ZMYND11: variants seen among roughly 807,000 people sequenced by gnomAD.
ZMYND11 encodes the protein zinc finger MYND domain-containing protein 11.
ZMYND11 carries 9 observed loss-of-function variants against 84.9 expected under a neutral mutation model. The observed-to-expected ratio is 0.11, with a 90% CI of 0.06 to 0.18. ZMYND11 has a LOEUF of 0.18. Ranked by LOEUF, ZMYND11 falls within the 10% of genes least tolerant of loss-of-function variation. The pLI, the probability that ZMYND11 is intolerant of heterozygous loss-of-function variation, is 1.00. For synonymous variants in ZMYND11, 250 were observed against 244.1 expected (o/e 1.02, Z -0.23); for missense variants, 409 against 761.0 (o/e 0.54, Z 5.44).
At chr10:167,163 T>C (rs1444244289) in intron 1 of ZMYND11, among the ~76,000 whole-genome samples, 1 of 152,124 alleles carries the variant, frequency 6.6e-6, no homozygotes, top group Non-Finnish European at 1.5e-5. Flanking sequence ...GAAATGGTGA[T>C]GGTTGCAAAA....
At chr10:203,328 A>G (rs1234622838) in intron 2 of ZMYND11, among the ~76,000 whole-genome samples, 1 of 152,170 alleles carries the variant, frequency 6.6e-6, no homozygotes, top group Non-Finnish European at 1.5e-5. Context: ...AGGAAATACT[A>G]TATAAAATAA....
intron 2 of ZMYND11, among the ~76,000 whole-genome samples, chr10:199,986 T>C (rs1014762778): frequency 1.3e-5 from 2 of 151,958 alleles, no homozygotes; most frequent in Admixed American, 1.3e-4. Context: ...CACCTCAGCC[T>C]CCTGAGTAGT....
At chr10:131,310 A>C (rs185784686), upstream of ZMYND11, among the ~76,000 whole-genome samples, 29 of 152,314 alleles carry the variant, frequency 1.9e-4, no homozygotes, top group Admixed American at 6.5e-4. Flanking sequence ...ACTTCTAACA[A>C]ATACTGTACA....
At chr10:227,833 C>G (rs1028985979) in intron 4 of ZMYND11, among the ~76,000 whole-genome samples, 1 of 152,076 alleles carries the variant, frequency 6.6e-6, no homozygotes, top group Admixed American at 6.5e-5. Flanking sequence ...AATGTAAGTA[C>G]TTTTACACTT....
chr10:228,209 C>T (rs1227572927), intron 4 of ZMYND11, among the ~76,000 whole-genome samples: 3 of 152,082 alleles, frequency 2.0e-5, no homozygotes, highest in Admixed American at 2.0e-4. Flanking sequence ...AGAAAAAAAG[C>T]TCATATAATT....
At chr10:169,194 C>T (rs1214895279) in intron 1 of ZMYND11, among the ~76,000 whole-genome samples, 1 of 152,080 alleles carries the variant, frequency 6.6e-6, no homozygotes, top group Non-Finnish European at 1.5e-5. Context: ...CTTCAACCCC[C>T]TCCAGTCATC....
intron 11 of ZMYND11, 76 bp downstream of exon 11, chr10:247,049 T>C: frequency 1.5e-6 from 2 of 1,375,458 alleles, no homozygotes; most frequent in Non-Finnish European, 2.0e-6. Flanking sequence ...CACTCCTCAC[T>C]GTAATGAACA....
Position 252,702 on chromosome 10 carries a change from T to C in ZMYND11, c.*232T>C. ...GGGTATTATTTTAAATAAATTTTAA[T>C]TGAGAATTTGTTGCATTTTCAGCAA... On this transcript the variant is annotated 3_prime_UTR_variant, in exon 15 of 15. Transcript: ENST00000381604. The surrounding 1 kb of genome is among the most constrained non-coding windows in gnomAD (Gnocchi z 4.6). 1 of 376,922 alleles carries C rather than the reference T, an allele frequency of 2.7e-6. No homozygotes were observed. Among genetic ancestry groups the C allele is most frequent in the Non-Finnish European group, 4.6e-6 (1 of 217,772 alleles). 23.3% of individuals were successfully genotyped at this position (376,922 alleles called of 1,614,324 possible).
At position 252,766 on chromosome 10, in the gene ZMYND11, T is replaced by A. The variant is rs936104569; in HGVS notation, c.*296T>A. ...TTTAGGTTTTACAGAGATTTTAACC[T>A]TTAAACAACAGATCTTTAAAAAACA... On this transcript the variant is annotated 3_prime_UTR_variant, in exon 15 of 15. Transcript: ENST00000381604. The surrounding 1 kb of genome is among the most constrained non-coding windows in gnomAD (Gnocchi z 4.6). 7 of 243,448 alleles carry A rather than the reference T, an allele frequency of 2.9e-5. No homozygotes were observed. The highest frequency in any genetic ancestry group is 1.6e-4 in the African/African-American group (7 of 43,872). 15.1% of individuals were successfully genotyped at this position (243,448 alleles called of 1,614,324 possible).
intron 2 of ZMYND11, among the ~76,000 whole-genome samples, chr10:201,537 T>G (rs139074431): frequency 1.3e-5 from 2 of 150,546 alleles, no homozygotes; most frequent in Admixed American, 6.8e-5. Flanking sequence ...TCATGAGATT[T>G]CTTACTTTTG....
At chr10:200,347 T>C (rs919167669) in intron 2 of ZMYND11, among the ~76,000 whole-genome samples, 10 of 146,140 alleles carry the variant, frequency 6.8e-5, no homozygotes, top group African/African-American at 1.0e-4. Flanking sequence ...ATAACATATA[T>C]ACATATATGT....
intron 1 of ZMYND11, among the ~76,000 whole-genome samples, chr10:167,635 C>T (rs1554764311): frequency 6.6e-6 from 1 of 152,032 alleles, no homozygotes; most frequent in East Asian, 1.9e-4. Flanking sequence ...TCTAAGGGCT[C>T]TGTATTGCCA....
chr10:136,830 T>A (rs1554752334), intron 1 of ZMYND11, among the ~76,000 whole-genome samples: 1 of 152,142 alleles, frequency 6.6e-6, no homozygotes, highest in African/African-American at 2.4e-5. Flanking sequence ...CAGTGTCATA[T>A]ACAGCCCTTA....
chr10:165,293 A>C (rs1052314204), intron 1 of ZMYND11, among the ~76,000 whole-genome samples: 5 of 152,006 alleles, frequency 3.3e-5, no homozygotes, highest in Admixed American at 3.3e-4. Flanking sequence ...CCTTCACTGG[A>C]CTTCTGTAAG....
intron 4 of ZMYND11, among the ~76,000 whole-genome samples, chr10:229,955 T>G (rs1273841070): frequency 2.6e-5 from 4 of 152,194 alleles, no homozygotes; most frequent in Non-Finnish European, 5.9e-5. Context: ...AGCTCCTAGA[T>G]CTCCTCTATA....
chr10:138,110 G>GTTTTTTTT (rs1198726870), intron 1 of ZMYND11, among the ~76,000 whole-genome samples: 1 of 133,054 alleles, frequency 7.5e-6, no homozygotes, highest in Admixed American at 7.6e-5. Context: ...TTCTGTTGGC[G>GTTTTTTTT]TTTTTTTTTT....
At chr10:173,346 G>A (rs1356650777) in intron 1 of ZMYND11, among the ~76,000 whole-genome samples, 1 of 152,192 alleles carries the variant, frequency 6.6e-6, no homozygotes, top group Non-Finnish European at 1.5e-5. Context: ...AAATTGTGAT[G>A]ACAGGCTACA....
chr10:131,068 A>G (rs1032702083), upstream of ZMYND11, among the ~76,000 whole-genome samples: 1 of 152,160 alleles, frequency 6.6e-6, no homozygotes, highest in Admixed American at 6.5e-5. Flanking sequence ...GTGAGCCAAG[A>G]TGGTGCCACT....
chr10:188,281 G>C (rs1386334524), intron 2 of ZMYND11, among the ~76,000 whole-genome samples: 2 of 152,082 alleles, frequency 1.3e-5, no homozygotes, highest in African/African-American at 4.8e-5. Context: ...TTTAAACTTT[G>C]AATCACTGAC....
Sources: allele counts gnomAD v4.1 joint callset (sites outside exome capture counted in the v4.1 genomes callset), GRCh38; gene constraint gnomAD v4.1.1; non-coding constraint Gnocchi (gnomAD v3.1); transcripts MANE v1.5; gene names NCBI Gene and HGNC (gene_info 2026-07-23, HGNC 2026-07-21).